ZNF211: variants seen among roughly 807,000 people sequenced by gnomAD.
ZNF211 encodes zinc finger protein C2H2-25.
In ZNF211, 18 loss-of-function variants were observed where a neutral mutation model predicts 12.1. That is an observed-to-expected ratio of 1.48 (90% CI 1.03 to 2.20). The LOEUF (loss-of-function observed/expected upper bound fraction) is 2.20. ZNF211 is among the 30% of genes most tolerant of loss of function. ZNF211 has a pLI of 0.00. For synonymous variants in ZNF211, 249 were observed against 246.0 expected, an observed-to-expected ratio of 1.01 and a Z score of -0.11; for missense variants, 677 against 703.1, an observed-to-expected ratio of 0.96 and a Z score of 0.42.
Position 57,641,421 on chromosome 19 carries a change from C to T in ZNF211, c.974C>T (p.Pro325Leu). Residue 325 changes from proline to leucine, a missense_variant, in exon 4 of 4, where the codon CCT becomes CTT. Physicochemically the swap from Pro to Leu is moderately conservative, Grantham distance 98. Coordinates refer to ENST00000240731, the MANE Select transcript of ZNF211 (RefSeq NM_006385.5). ...IHQRVHTGER[P>L]YACPECGKSF... ...CAGAGAGTTCATACTGGAGAAAGGC[C>T]TTATGCGTGCCCTGAATGTGGGAAA... is the stretch of plus-strand genomic sequence containing the variant. 1 of 1,610,658 alleles carries T rather than the reference C, an allele frequency of 6.2e-7. No individual in the cohort carries two copies. Among genetic ancestry groups the T allele is most frequent in the Non-Finnish European group, 8.5e-7 (1 of 1,177,606 alleles).
rs763589039 is a variant in ZNF211, at chr19:57,640,661, A to G, written c.257-43A>G. On this transcript the variant is annotated intron_variant, in intron 3 of 3. Transcript: ENST00000240731. ...ATTTGCAATTGCATTGTCTCCTCCT[A>G]ATAAAGGTAACATGTACTTCACCAT... 3.7e-5 allele frequency: 59 copies of G among 1,592,400 alleles called. 1 individual carries two copies. The highest frequency in any genetic ancestry group is 4.6e-5 in the Non-Finnish European group (54 of 1,167,594).
Position 57,636,343 on chromosome 19 carries a change from CTT to C in ZNF211, c.256+1590_256+1591del, listed in dbSNP as rs775681361. On this transcript the variant is annotated intron_variant, in intron 3 of 3. Coordinates refer to ENST00000240731, the MANE Select transcript of ZNF211 (RefSeq NM_006385.5). Reference sequence around the variant, plus strand: ...CCAATGTCATGAAGCTTTTTCCTTGCTTTAAGACTTCTATAGTTTTAGTACTT... The same window carrying C: ...CCAATGTCATGAAGCTTTTTCCTTGCTAAGACTTCTATAGTTTTAGTACTT... 2.0e-5 allele frequency among the ~76,000 whole-genome samples: 3 copies of C among 152,218 alleles called. No homozygotes were observed. The South Asian group carries it at 6.2e-4, about 32-fold the overall frequency.
rs3746220 is a variant in ZNF211, at chr19:57,640,665, A to G, written c.257-39A>G. On this transcript the variant is annotated intron_variant, in intron 3 of 3. Transcript: ENST00000240731. ...GCAATTGCATTGTCTCCTCCTAATAAAGGTAACATGTACTTCACCATGATC... is the reference window on the plus strand; with the variant it reads ...GCAATTGCATTGTCTCCTCCTAATAGAGGTAACATGTACTTCACCATGATC... 0.16 allele frequency: 255,691 copies of G among 1,594,256 alleles called. 21,545 individuals carry two copies. Among genetic ancestry groups the G allele is most frequent in the East Asian group, 0.3 (13,281 of 44,572 alleles).
intron 3 of ZNF211, among the ~76,000 whole-genome samples, chr19:57,635,765 C>G (rs73573467): frequency 0.021 from 3,151 of 152,166 alleles, 125 homozygotes; most frequent in African/African-American, 0.07. Context: ...AGTAGAATTT[C>G]TGGATCATAA....
At chr19:57,636,282 G>T (rs190639657) in intron 3 of ZNF211, among the ~76,000 whole-genome samples, 1 of 152,156 alleles carries the variant, frequency 6.6e-6, no homozygotes, top group African/African-American at 2.4e-5. Context: ...TATTGTCTAT[G>T]CTTTTTATAT....
chr19:57,641,036 C>G lies in ZNF211; in HGVS notation c.589C>G (p.Pro197Ala), dbSNP rs372309218. Residue 197 changes from proline (P) to alanine (A), a missense_variant, in exon 4 of 4, where the codon CCC becomes GCC. By Grantham distance (27) the Pro-to-Ala change is conservative. Transcript: ENST00000240731. ...QSCIVHVSEK[P>A]FTCREIRKDF... The stretch of plus-strand genomic sequence containing the variant: ...TTGCATAGTCCATGTGTCGGAGAAA[C>G]CCTTTACCTGCAGGGAGATCAGGAA... The G allele has an allele frequency of 6.2e-6, 10 of 1,614,054 alleles. No individual in the cohort carries two copies. In the African/African-American group the frequency reaches 1.3e-4, roughly 22 times the overall value.
At position 57,642,363 on chromosome 19, in the gene ZNF211, TCACCTGCCA is replaced by T; in HGVS notation, c.*183_*191del. ...GCCATTTAGAAAGTGTTAGACTTTC[TCACCTGCCA>T]TTTATGGCTCTTGCCGTTTATGTCA... On this transcript the variant is annotated 3_prime_UTR_variant, in exon 4 of 4. Transcript: ENST00000240731. 1.5e-6 allele frequency: 1 copy of T among 667,336 alleles called. No individual in the cohort carries two copies. The highest frequency in any genetic ancestry group is 2.4e-6 in the Non-Finnish European group (1 of 415,060). The allele number at this position is 667,336 out of a possible 1,614,324, so 41.3% of individuals were successfully genotyped here.
intron 3 of ZNF211, among the ~76,000 whole-genome samples, chr19:57,638,777 A>G (rs1213701742): frequency 1.3e-5 from 2 of 152,034 alleles, no homozygotes; most frequent in African/African-American, 2.4e-5. Flanking sequence ...TGATTGTTCT[A>G]TCCGCTGCTG....
In ZNF211 at chr19:57,642,388, G is replaced by A. The variant is rs12618; in HGVS notation, c.*207G>A. 98,639 of 572,262 alleles carry A rather than the reference G, an allele frequency of 0.17. 8,951 individuals are homozygous for A. The highest frequency in any genetic ancestry group is 0.29 in the East Asian group (10,225 of 34,730). The allele number at this position is 572,262 out of a possible 1,614,324, so 35.4% of individuals were successfully genotyped here. ...TCACCTGCCATTTATGGCTCTTGCCGTTTATGTCACTGACAGTTTCTGAGG... is the reference window on the plus strand; with the variant it reads ...TCACCTGCCATTTATGGCTCTTGCCATTTATGTCACTGACAGTTTCTGAGG... On this transcript the variant is annotated 3_prime_UTR_variant, in exon 4 of 4. Transcript: ENST00000240731.
At chr19:57,634,906 T>C in intron 3 of ZNF211, 151 bp downstream of exon 3, 1 of 1,264,306 alleles carries the variant, frequency 7.9e-7, no homozygotes, top group East Asian at 3.1e-5. Context: ...GCAAGCCTAC[T>C]TCCCTTATCG....
chr19:57,639,899 G>A, intron 3 of ZNF211: 1 of 1,530,702 alleles, frequency 6.5e-7, no homozygotes. Context: ...CACATGTCCT[G>A]TCTTTCCCTT....
intron 3 of ZNF211, 102 bp from the exon 4 acceptor site, chr19:57,640,602 C>T: frequency 7.0e-7 from 1 of 1,438,778 alleles, no homozygotes; most frequent in Non-Finnish European, 9.4e-7. Context: ...TAAAAACAGG[C>T]CCATATACTG....
chr19:57,640,577 C>T (rs1319102158), intron 3 of ZNF211, 127 bp from the exon 4 acceptor site: 2 of 1,240,320 alleles, frequency 1.6e-6, no homozygotes, highest in Non-Finnish European at 2.2e-6. Flanking sequence ...ACCTGACCCC[C>T]CAACTCACTT....
At chr19:57,633,626 C>A in intron 1 of ZNF211, 190 bp downstream of exon 1, 1 of 1,532,304 alleles carries the variant, frequency 6.5e-7, no homozygotes, top group South Asian at 1.2e-5. Flanking sequence ...CTTGGACGGG[C>A]AACCGAGAAG....
rs1308000300 is a variant in ZNF211 at position 57,642,056 on chromosome 19, C to G, written c.1609C>G (p.Leu537Val). The G allele has an allele frequency of 6.8e-6, 11 of 1,614,034 alleles. No individual in the cohort carries two copies. The Admixed American group carries it at 1.5e-4, about 22-fold the overall frequency. The part of the protein sequence containing the change: ...CGKSFSQSSS[L>V]IQHRRVHTGK... ...GAAATCCTTTAGCCAAAGTTCTAGC[C>G]TCATTCAACACCGCAGAGTTCACAC... The change falls in exon 4 of 4, where the codon CTC becomes GTC. Residue 537 changes from leucine to valine, a missense_variant. Physicochemically the swap from Leu to Val is conservative, Grantham distance 32 (BLOSUM62 1). Coordinates refer to ENST00000240731, the MANE Select transcript of ZNF211 (RefSeq NM_006385.5).
At position 57,641,975 on chromosome 19, in the gene ZNF211, A is replaced by G; in HGVS notation, c.1528A>G (p.Ile510Val). ...ATCCTTTAGCTGTAAATCTAACCTC[A>G]TTAAACACCTGAGAGTTCACACTGG... The part of the protein sequence containing the change: ...SKSFSCKSNL[I>V]KHLRVHTGER... The change falls in exon 4 of 4, where the codon ATT becomes GTT. Residue 510 changes from isoleucine to valine, a missense_variant. Coordinates refer to ENST00000240731, the MANE Select transcript of ZNF211 (RefSeq NM_006385.5). The G allele has an allele frequency of 1.2e-6, 2 of 1,614,120 alleles. No individual in the cohort carries two copies. Among genetic ancestry groups the G allele is most frequent in the African/African-American group, 1.3e-5 (1 of 75,026 alleles).
At chr19:57,633,731 G>A in intron 1 of ZNF211, 1 of 1,533,606 alleles carries the variant, frequency 6.5e-7, no homozygotes, top group Non-Finnish European at 8.7e-7. Context: ...GAGCCATAGA[G>A]AGCTTGCGCA....
intron 3 of ZNF211, among the ~76,000 whole-genome samples, chr19:57,637,456 T>A (rs988922945): frequency 4.6e-5 from 7 of 152,166 alleles, no homozygotes; most frequent in Non-Finnish European, 8.8e-5. Flanking sequence ...GGTCTTGCTA[T>A]GTTACACAGG....
At chr19:57,637,429 A>G (rs1413787653) in intron 3 of ZNF211, among the ~76,000 whole-genome samples, 1 of 151,896 alleles carries the variant, frequency 6.6e-6, no homozygotes, top group Admixed American at 6.6e-5. Flanking sequence ...TGATCGTTTT[A>G]ATTTTTTTAG....
Sources: allele counts gnomAD v4.1 joint callset (sites outside exome capture counted in the v4.1 genomes callset), GRCh38; gene constraint gnomAD v4.1.1; transcripts MANE v1.5; gene names NCBI Gene and HGNC (gene_info 2026-07-23, HGNC 2026-07-21).